The following LRMDA variants were observed in gnomAD, a reference collection of about 807,000 sequenced individuals.
The protein encoded by LRMDA is leucine-rich melanocyte differentiation-associated protein.
In LRMDA, 18 loss-of-function variants were observed where a neutral mutation model predicts 29.8. That is an observed-to-expected ratio of 0.60 (90% CI 0.42 to 0.90). The LOEUF (loss-of-function observed/expected upper bound fraction) is 0.90, where lower values mean the gene tolerates loss of function less well. Ranked by LOEUF, LRMDA falls within the 40% of genes least tolerant of loss-of-function variation. The pLI is 0.00. For missense variants in LRMDA, 273 were observed against 273.9 expected (o/e 1.00, Z 0.02); for synonymous variants, 125 against 109.4 (o/e 1.14, Z -0.89).
intron 6 of LRMDA, among the ~76,000 whole-genome samples, chr10:76,436,204 T>C (rs961102650): frequency 2.0e-5 from 3 of 152,130 alleles, no homozygotes; most frequent in African/African-American, 7.2e-5. Flanking sequence ...GTTAGTGAAA[T>C]AGAGGCTGGC....
intron 2 of LRMDA, among the ~76,000 whole-genome samples, chr10:75,531,901 A>T (rs1171772027): frequency 6.6e-6 from 1 of 151,866 alleles, no homozygotes; most frequent in African/African-American, 2.4e-5. Flanking sequence ...CTCTTAAAAA[A>T]AAAAAAAATT....
chr10:75,453,043 G>T (rs1381394194), intron 2 of LRMDA, among the ~76,000 whole-genome samples: 2 of 152,188 alleles, frequency 1.3e-5, no homozygotes, highest in Admixed American at 1.3e-4. Context: ...GGTGGCTGGA[G>T]GGGTAATGTT....
intron 1 of LRMDA, among the ~76,000 whole-genome samples, chr10:75,432,838 A>C (rs796425904): frequency 1.4e-4 from 21 of 152,278 alleles, no homozygotes; most frequent in African/African-American, 5.1e-4. Flanking sequence ...CTGTCGTTTC[A>C]TCAGGTACAC....
chr10:75,805,612 G>A (rs2132266127), intron 2 of LRMDA, among the ~76,000 whole-genome samples: 1 of 152,280 alleles, frequency 6.6e-6, no homozygotes, highest in East Asian at 1.9e-4. Context: ...GGGTAGCTGA[G>A]ATTGTGACAA....
At chr10:76,554,222 G>T (rs912961724) in intron 6 of LRMDA, among the ~76,000 whole-genome samples, 2 of 152,144 alleles carry the variant, frequency 1.3e-5, no homozygotes, top group African/African-American at 2.4e-5. Context: ...CGTTAGAGCC[G>T]CAGGCAGCGT....
chr10:76,390,857 G>T (rs1237970045), intron 6 of LRMDA, among the ~76,000 whole-genome samples: 2 of 152,202 alleles, frequency 1.3e-5, no homozygotes, highest in Non-Finnish European at 2.9e-5. Context: ...ATGTGGAAAA[G>T]ATTTTTGGAA....
chr10:76,324,714 T>G (rs1325905964), intron 6 of LRMDA, among the ~76,000 whole-genome samples: 2 of 151,874 alleles, frequency 1.3e-5, no homozygotes, highest in African/African-American at 4.9e-5. Flanking sequence ...AATATAATTT[T>G]GTGATTTTTT....
chr10:75,431,877 G>C lies in LRMDA; in HGVS notation c.30+123G>C, dbSNP rs1342181781. 4 of 1,012,262 alleles carry C rather than the reference G, an allele frequency of 4.0e-6. No individual in the cohort carries two copies. In the South Asian group the frequency reaches 1.3e-4, roughly 34 times the overall value. The allele number at this position is 1,012,262 out of a possible 1,614,324, so 62.7% of individuals were successfully genotyped here. A position where few individuals can be genotyped will look rare whatever the true frequency, so the allele number is the denominator to read the frequency against. ...CCGCCTCAGGGGGCTGCGTCTGCAGGGGGTGAGCTTCAGGTGCTCAGGCTC... is the reference window on the plus strand; with the variant it reads ...CCGCCTCAGGGGGCTGCGTCTGCAGCGGGTGAGCTTCAGGTGCTCAGGCTC... On this transcript the variant is annotated intron_variant, in intron 1 of 6. Coordinates refer to ENST00000611255, the MANE Select transcript of LRMDA (RefSeq NM_001305581.2).
chr10:75,921,513 G>A (rs1404916111), intron 2 of LRMDA, among the ~76,000 whole-genome samples: 2 of 152,198 alleles, frequency 1.3e-5, no homozygotes, highest in East Asian at 3.9e-4. Flanking sequence ...ATGAGGGGCT[G>A]AATCTTGACT....
At chr10:75,522,235 G>A (rs1359991635) in intron 2 of LRMDA, among the ~76,000 whole-genome samples, 2 of 152,188 alleles carry the variant, frequency 1.3e-5, no homozygotes, top group Admixed American at 6.5e-5. Flanking sequence ...GAGACATTGA[G>A]GCAGACCTTA....
intron 2 of LRMDA, among the ~76,000 whole-genome samples, chr10:75,443,097 T>C (rs1844348192): frequency 6.6e-6 from 1 of 152,216 alleles, no homozygotes; most frequent in Non-Finnish European, 1.5e-5. Flanking sequence ...ATTCTAACAG[T>C]TTTTTGGTGT....
intron 2 of LRMDA, among the ~76,000 whole-genome samples, chr10:75,681,065 G>A (rs1374730295): frequency 6.6e-6 from 1 of 152,168 alleles, no homozygotes; most frequent in Admixed American, 6.5e-5. Context: ...GCTGCATGAA[G>A]GGAAAGGTAT....
intron 2 of LRMDA, among the ~76,000 whole-genome samples, chr10:75,906,713 G>A (rs544136096): frequency 4.6e-5 from 7 of 152,314 alleles, no homozygotes; most frequent in African/African-American, 1.7e-4. Flanking sequence ...ATCCATCCAC[G>A]GAGTGCGCTC....
chr10:76,531,962 A>C (rs1301554249), intron 6 of LRMDA, among the ~76,000 whole-genome samples: 1 of 152,212 alleles, frequency 6.6e-6, no homozygotes, highest in African/African-American at 2.4e-5. Flanking sequence ...TTTAATAGAC[A>C]TACAGGCCTT....
intron 2 of LRMDA, among the ~76,000 whole-genome samples, chr10:75,813,482 C>T (rs926477307): frequency 6.6e-6 from 1 of 152,158 alleles, no homozygotes; most frequent in Non-Finnish European, 1.5e-5. Flanking sequence ...AGCTTTGAAC[C>T]ATCGCTTCAC....
intron 6 of LRMDA, among the ~76,000 whole-genome samples, chr10:76,440,438 C>G (rs922922449): frequency 1.3e-5 from 2 of 152,178 alleles, no homozygotes; most frequent in Admixed American, 1.3e-4. Context: ...AATACCCCAT[C>G]TAGACCTGAA....
intron 2 of LRMDA, among the ~76,000 whole-genome samples, chr10:75,666,202 C>T (rs1011182718): frequency 2.0e-5 from 3 of 151,928 alleles, no homozygotes; most frequent in African/African-American, 7.3e-5. Flanking sequence ...AACTATATTA[C>T]CTTTCTAAGA....
At chr10:76,290,799 A>T (rs867430257) in intron 5 of LRMDA, among the ~76,000 whole-genome samples, 29 of 152,308 alleles carry the variant, frequency 1.9e-4, no homozygotes, top group African/African-American at 6.3e-4. Flanking sequence ...AGGAGGTGCT[A>T]TACCTTCAAG....
At chr10:75,756,599 T>C (rs74147195) in intron 2 of LRMDA, among the ~76,000 whole-genome samples, 2 of 152,200 alleles carry the variant, frequency 1.3e-5, no homozygotes, top group African/African-American at 4.8e-5. Flanking sequence ...AAAGGTGCTC[T>C]CTTTTTGAGA....
Sources: allele counts gnomAD v4.1 joint callset (sites outside exome capture counted in the v4.1 genomes callset), GRCh38; gene constraint gnomAD v4.1.1; transcripts MANE v1.5; gene names NCBI Gene and HGNC (gene_info 2026-07-23, HGNC 2026-07-21).